CHST9: variants seen among roughly 807,000 people sequenced by gnomAD.
CHST9 encodes carbohydrate sulfotransferase 9, also known as GalNAc-4-sulfotransferase 2.
CHST9 carries 41 observed loss-of-function variants against 44.4 expected under a neutral mutation model. The observed-to-expected ratio is 0.92, with a 90% CI of 0.72 to 1.20. CHST9 has a LOEUF of 1.20. Among genes scored for constraint, CHST9 ranks in the 50% most tolerant of loss-of-function variants. CHST9 has a pLI of 0.00. For missense variants in CHST9, 504 were observed against 516.5 expected (o/e 0.98, Z 0.23); for synonymous variants, 171 against 178.4 (o/e 0.96, Z 0.33).
chr18:27,018,913 G>A (rs879821233), intron 4 of CHST9, among the ~76,000 whole-genome samples: 11 of 152,074 alleles, frequency 7.2e-5, no homozygotes, highest in Admixed American at 1.3e-4. Context: ...TCTAACCTTC[G>A]TGACAACCAC....
intron 4 of CHST9, among the ~76,000 whole-genome samples, chr18:26,974,864 T>TG: frequency 6.6e-6 from 1 of 152,182 alleles, no homozygotes; most frequent in East Asian, 1.9e-4. Flanking sequence ...TTAGTAGGGA[T>TG]GGGGTTTCAC....
rs2055471293 is a variant in CHST9, at chr18:26,913,561, T to A, written c.*2698A>T. On this transcript the variant is annotated 3_prime_UTR_variant, in exon 6 of 6. Transcript: ENST00000618847. ...ACAGGGGAATAACAGAGCGAAGGGG[T>A]CTGCCCATTGTGTTACTGCTGCCTA... The A allele has an allele frequency of 6.6e-6, 1 of 152,212 alleles. No individual in the cohort carries two copies. Among genetic ancestry groups the A allele is most frequent in the Non-Finnish European group, 1.5e-5 (1 of 68,044 alleles). The allele number at this position is 152,212 out of a possible 1,614,324, so 9.4% of individuals were successfully genotyped here.
At chr18:27,040,673 G>A (rs1405190518) in intron 3 of CHST9, among the ~76,000 whole-genome samples, 1 of 152,082 alleles carries the variant, frequency 6.6e-6, no homozygotes, top group African/African-American at 2.4e-5. Flanking sequence ...ATCAGACAAT[G>A]TATATGATTG....
Position 26,915,808 on chromosome 18 carries a change from TAGAA to T in CHST9, c.*447_*450del, listed in dbSNP as rs2055508612. 6.5e-6 allele frequency: 1 copy of T among 154,156 alleles called. No individual in the cohort carries two copies. The highest frequency in any genetic ancestry group is 1.4e-5 in the Non-Finnish European group (1 of 69,230). 9.5% of individuals were successfully genotyped at this position (154,156 alleles called of 1,614,324 possible). On this transcript the variant is annotated 3_prime_UTR_variant, in exon 6 of 6. Coordinates refer to ENST00000618847, the MANE Select transcript of CHST9 (RefSeq NM_031422.6). ...AAAATGGATTTATCATTATAGTTGA[TAGAA>T]AGATTTCCAGGGTGTAAGAAAACAA...
intron 2 of CHST9, among the ~76,000 whole-genome samples, chr18:27,050,538 A>T (rs1454022904): frequency 6.6e-6 from 1 of 152,164 alleles, no homozygotes; most frequent in Non-Finnish European, 1.5e-5. Context: ...CTAACATATA[A>T]GGTGGAAAAT....
intron 2 of CHST9, among the ~76,000 whole-genome samples, chr18:27,088,049 A>G (rs1213973406): frequency 6.6e-6 from 1 of 152,220 alleles, no homozygotes; most frequent in African/African-American, 2.4e-5. Flanking sequence ...GTGTTCTGTA[A>G]GTACAATATT....
At chr18:26,959,647 T>G (rs1349306958) in intron 4 of CHST9, among the ~76,000 whole-genome samples, 1 of 152,166 alleles carries the variant, frequency 6.6e-6, no homozygotes, top group African/African-American at 2.4e-5. Context: ...AGGGAATGTC[T>G]AAGGAACAGT....
intron 1 of CHST9, among the ~76,000 whole-genome samples, chr18:27,162,276 C>T (rs892870244): frequency 1.1e-4 from 17 of 152,080 alleles, no homozygotes; most frequent in East Asian, 3.9e-4. Flanking sequence ...TTAGTGCTTC[C>T]TTCAGGAGCT....
chr18:27,013,325 C>T (rs921904885), intron 4 of CHST9, among the ~76,000 whole-genome samples: 1 of 152,152 alleles, frequency 6.6e-6, no homozygotes, highest in African/African-American at 2.4e-5. Context: ...CCTTTACGCA[C>T]AACATTGGCA....
At chr18:27,112,888 T>C (rs1195163885) in intron 2 of CHST9, among the ~76,000 whole-genome samples, 1 of 152,174 alleles carries the variant, frequency 6.6e-6, no homozygotes, top group Non-Finnish European at 1.5e-5. Flanking sequence ...TTGCTGCCTA[T>C]ATCTTTTTAA....
intron 4 of CHST9, among the ~76,000 whole-genome samples, chr18:26,958,932 T>C (rs335934): frequency 0.64 from 98,006 of 152,004 alleles, 32,027 homozygotes; most frequent in African/African-American, 0.74. Context: ...AAACTTAAAA[T>C]GGAAGTTCCA....
chr18:27,114,797 A>G (rs1340036369), intron 2 of CHST9, among the ~76,000 whole-genome samples: 3 of 152,226 alleles, frequency 2.0e-5, no homozygotes, highest in East Asian at 1.9e-4. Context: ...ATGGCTGAAT[A>G]TCATTCCCAC....
At chr18:27,049,918 G>T (rs1052405474) in intron 2 of CHST9, among the ~76,000 whole-genome samples, 5 of 152,166 alleles carry the variant, frequency 3.3e-5, no homozygotes, top group Non-Finnish European at 7.4e-5. Flanking sequence ...TGCTGCTTTT[G>T]TTTTGTGATG....
chr18:26,919,919 G>A (rs1054982941), intron 5 of CHST9, among the ~76,000 whole-genome samples: 1 of 152,176 alleles, frequency 6.6e-6, no homozygotes, highest in African/African-American at 2.4e-5. Flanking sequence ...AAGATAGGGA[G>A]TGATTTCCCT....
At chr18:27,027,833 A>T (rs2057299089) in intron 3 of CHST9, among the ~76,000 whole-genome samples, 1 of 152,162 alleles carries the variant, frequency 6.6e-6, no homozygotes, top group Non-Finnish European at 1.5e-5. Context: ...ATCCTTTTAG[A>T]TTTAAGTTTT....
intron 2 of CHST9, among the ~76,000 whole-genome samples, chr18:27,129,857 T>C (rs1342379324): frequency 6.6e-6 from 1 of 152,236 alleles, no homozygotes; most frequent in Non-Finnish European, 1.5e-5. Flanking sequence ...AACCATATTC[T>C]TGCTCCTCGT....
At chr18:26,939,645 A>C (rs1236081108) in intron 5 of CHST9, among the ~76,000 whole-genome samples, 1 of 149,932 alleles carries the variant, frequency 6.7e-6, no homozygotes, top group African/African-American at 2.5e-5. Flanking sequence ...CATCCAAGGG[A>C]CTGCTTTGGG....
At chr18:27,000,946 G>A (rs576817839) in intron 4 of CHST9, among the ~76,000 whole-genome samples, 7 of 152,164 alleles carry the variant, frequency 4.6e-5, no homozygotes, top group African/African-American at 1.2e-4. Context: ...TAGAACAAAC[G>A]GAAGTTCTAA....
At chr18:27,036,839 C>T (rs184209409) in intron 3 of CHST9, among the ~76,000 whole-genome samples, 2 of 152,136 alleles carry the variant, frequency 1.3e-5, no homozygotes, top group South Asian at 2.1e-4. Flanking sequence ...TTTACATGTA[C>T]GATACAGTAT....
Sources: allele counts gnomAD v4.1 joint callset (sites outside exome capture counted in the v4.1 genomes callset), GRCh38; gene constraint gnomAD v4.1.1; transcripts MANE v1.5; gene names NCBI Gene and HGNC (gene_info 2026-07-23, HGNC 2026-07-21).